Variants in XPO7 observed in about 807,000 individuals in gnomAD.
XPO7 encodes the protein exportin-7.
Under a neutral mutation model 144.3 loss-of-function variants are expected in XPO7, and 21 were observed. The observed-to-expected ratio is 0.15, with a 90% CI of 0.10 to 0.21. The LOEUF is 0.21. Among genes scored for constraint, XPO7 ranks in the 10% least tolerant of loss-of-function variants. XPO7 has a pLI of 1.00. For synonymous variants in XPO7, 580 were observed against 499.6 expected, an observed-to-expected ratio of 1.16 and a Z score of -2.15; for missense variants, 808 against 1,325.8, an observed-to-expected ratio of 0.61 and a Z score of 6.06.
At chr8:21,990,774 T>C (rs764206347) in intron 17 of XPO7, 37 bp from the exon 18 acceptor site, 7 of 1,604,274 alleles carry the variant, frequency 4.4e-6, no homozygotes, top group Non-Finnish European at 6.0e-6. Flanking sequence ...CTCTAACTCA[T>C]GTTTTTACCT....
chr8:22,006,507 G>A lies in XPO7; in HGVS notation c.*1419G>A, dbSNP rs911661468. ...GAATCCTTTCTTGCGTGATCAGGTT[G>A]CGGATAGACTTGTAAGGGTGTTTGC... is the stretch of plus-strand genomic sequence containing the variant. On this transcript the variant is annotated 3_prime_UTR_variant, in exon 28 of 28. Transcript: ENST00000252512. 4.6e-5 allele frequency: 7 copies of A among 152,144 alleles called. No homozygotes were observed. Among genetic ancestry groups the A allele is most frequent in the African/African-American group, 1.7e-4 (7 of 41,412 alleles). The allele number at this position is 152,144 out of a possible 1,614,324, so 9.4% of individuals were successfully genotyped here.
chr8:21,955,826 T>G (rs747137364), intron 1 of XPO7, among the ~76,000 whole-genome samples: 1 of 149,776 alleles, frequency 6.7e-6, no homozygotes, highest in African/African-American at 2.5e-5. Flanking sequence ...CTGCCTGGGT[T>G]TATGTGATTC....
chr8:21,950,502 T>C (rs1811335038), intron 1 of XPO7, among the ~76,000 whole-genome samples: 1 of 152,250 alleles, frequency 6.6e-6, no homozygotes, highest in South Asian at 2.1e-4. Flanking sequence ...GGTTGCATCA[T>C]GTCTGTTTTG....
At position 21,993,590 on chromosome 8, in the gene XPO7, G is replaced by A. The variant is rs7840550; in HGVS notation, c.2149-773G>A. ...AGTAAAAGTTTTATTGAGAGAGTGA[G>A]TATTGGATTTGGAGTCTTGGTATTA... is the stretch of plus-strand genomic sequence containing the variant. On this transcript the variant is annotated intron_variant, in intron 19 of 27. Coordinates refer to ENST00000252512, the MANE Select transcript of XPO7 (RefSeq NM_015024.5). Among the ~76,000 whole-genome samples, 1,511 of 152,250 alleles carry A rather than the reference G, an allele frequency of 9.9e-3. 26 individuals are homozygous for A. Among genetic ancestry groups the A allele is most frequent in the African/African-American group, 0.035 (1,441 of 41,540 alleles).
chr8:21,984,626 C>A lies in XPO7; in HGVS notation c.1278-20C>A. 6.3e-7 allele frequency: 1 copy of A among 1,592,582 alleles called. No homozygotes were observed. On this transcript the variant is annotated intron_variant, in intron 11 of 27. Coordinates refer to ENST00000252512, the MANE Select transcript of XPO7 (RefSeq NM_015024.5). ...AGTCATATTTTAAGAGAGCTGCCTTCCTTCTTCCCTTGGGAATAGAGATGG... is the reference window on the plus strand; with the variant it reads ...AGTCATATTTTAAGAGAGCTGCCTTACTTCTTCCCTTGGGAATAGAGATGG...
intron 1 of XPO7, among the ~76,000 whole-genome samples, chr8:21,923,774 T>A (rs1277181148): frequency 6.6e-6 from 1 of 152,192 alleles, no homozygotes; most frequent in Admixed American, 6.5e-5. Flanking sequence ...TGTATTTTCT[T>A]TTTTCTTGGT....
At chr8:21,928,081 T>C (rs528704368) in intron 1 of XPO7, among the ~76,000 whole-genome samples, 1 of 152,352 alleles carries the variant, frequency 6.6e-6, no homozygotes, top group Admixed American at 6.5e-5. Context: ...CATTTCCTCT[T>C]TGCAGTCTGT....
chr8:21,928,637 C>T (rs1000319347), intron 1 of XPO7, among the ~76,000 whole-genome samples: 3 of 152,158 alleles, frequency 2.0e-5, no homozygotes, highest in Non-Finnish European at 4.4e-5. Context: ...TGTTGAGTAT[C>T]TCTTCATGTG....
chr8:22,000,453 A>ATTTTTT (rs34272523), intron 24 of XPO7, among the ~76,000 whole-genome samples: 4 of 128,726 alleles, frequency 3.1e-5, no homozygotes, highest in African/African-American at 6.0e-5. Context: ...CCTTCCAACA[A>ATTTTTT]TTTTTTTTTT....
In XPO7 at chr8:21,926,151, GA is replaced by G. The variant is rs57896297; in HGVS notation, c.18+6373del. Among the ~76,000 whole-genome samples the G allele has an allele frequency of 6.4e-3, 948 of 148,956 alleles. 9 individuals carry two copies. Among genetic ancestry groups the G allele is most frequent in the African/African-American group, 0.022 (895 of 40,784 alleles). On this transcript the variant is annotated intron_variant, in intron 1 of 27. Transcript: ENST00000252512. ...TCTCTTAGAAAAACATTAGTTAGATGAAAAAAAAAATCAAAATATTTTCCTC... is the reference window on the plus strand; with the variant it reads ...TCTCTTAGAAAAACATTAGTTAGATGAAAAAAAAATCAAAATATTTTCCTC...
chr8:21,984,772 G>A lies in XPO7; in HGVS notation c.1404G>A (p.Ser468=), dbSNP rs1318427133. The A allele has an allele frequency of 9.3e-6, 15 of 1,613,854 alleles. No individual in the cohort carries two copies. The highest frequency in any genetic ancestry group is 5.3e-5 in the African/African-American group (4 of 74,926). Residue 468 remains serine (S), a synonymous_variant, in exon 12 of 28, where the codon TCG becomes TCA. Coordinates refer to ENST00000252512, the MANE Select transcript of XPO7 (RefSeq NM_015024.5). ...TCCTCGTGCAGTTGTTTGACCAGTCGGCCCAGTCGTACCAGGAGCTGCTAC... is the reference window on the plus strand; with the variant it reads ...TCCTCGTGCAGTTGTTTGACCAGTCAGCCCAGTCGTACCAGGAGCTGCTAC... ...CALLVQLFDQ[S]AQSYQELLQS...
intron 1 of XPO7, among the ~76,000 whole-genome samples, chr8:21,949,100 A>G (rs929102346): frequency 6.6e-6 from 1 of 152,268 alleles, no homozygotes; most frequent in South Asian, 2.1e-4. Context: ...CTCTGTTCAA[A>G]TGATAACCCT....
chr8:21,962,459 A>G (rs558716993), intron 1 of XPO7, among the ~76,000 whole-genome samples: 13 of 152,322 alleles, frequency 8.5e-5, no homozygotes, highest in Admixed American at 3.3e-4. Context: ...GAATTGTTCT[A>G]TGAATTCTGA....
chr8:21,962,989 C>T (rs1459101691), intron 1 of XPO7, among the ~76,000 whole-genome samples: 1 of 152,096 alleles, frequency 6.6e-6, no homozygotes, highest in Non-Finnish European at 1.5e-5. Context: ...CACAGTGTTT[C>T]CCAGTACACA....
intron 1 of XPO7, among the ~76,000 whole-genome samples, chr8:21,963,651 C>T (rs1034074114): frequency 2.0e-5 from 3 of 150,384 alleles, no homozygotes; most frequent in Non-Finnish European, 2.9e-5. Flanking sequence ...GCCGAGATCA[C>T]ATCACTGCAC....
chr8:21,995,732 GTGTTTT>G lies in XPO7; in HGVS notation c.2345+139_2345+144del, dbSNP rs1812925673. 5 of 644,462 alleles carry G rather than the reference GTGTTTT, an allele frequency of 7.8e-6. No individual in the cohort carries two copies. In the Admixed American group the frequency reaches 9.9e-5, roughly 13 times the overall value. 39.9% of individuals were successfully genotyped at this position (644,462 alleles called of 1,614,324 possible). ...GCATTTTAAAATTCGAAAAGTTTTT[GTGTTTT>G]TGTTTGTGTGAAAGAATAGTATTCC... is the stretch of plus-strand genomic sequence containing the variant. On this transcript the variant is annotated intron_variant, in intron 21 of 27. Transcript: ENST00000252512.
chr8:21,972,111 A>C, intron 5 of XPO7, 170 bp downstream of exon 5: 2 of 541,232 alleles, frequency 3.7e-6, no homozygotes, highest in Non-Finnish European at 3.3e-6. Flanking sequence ...TGTAATTGCA[A>C]CTCACCTCAC....
intron 19 of XPO7, among the ~76,000 whole-genome samples, chr8:21,993,915 GTCTCTCTCTCTCTCTCTC>G (rs146886015): frequency 7.1e-6 from 1 of 141,042 alleles, no homozygotes; most frequent in Non-Finnish European, 1.5e-5. Flanking sequence ...TCTTTGCCGT[GTCTCTCTCTCTCTCTCTC>G]TCTCTCTGTC....
intron 1 of XPO7, among the ~76,000 whole-genome samples, chr8:21,933,392 G>T (rs746744898): frequency 1.3e-5 from 2 of 151,866 alleles, no homozygotes; most frequent in African/African-American, 4.8e-5. Flanking sequence ...GAGCCACTGC[G>T]CCCGGCCCCT....
Sources: allele counts gnomAD v4.1 joint callset (sites outside exome capture counted in the v4.1 genomes callset), GRCh38; gene constraint gnomAD v4.1.1; transcripts MANE v1.5; gene names NCBI Gene and HGNC (gene_info 2026-07-23, HGNC 2026-07-21).